TRDMT1: variants seen among roughly 807,000 people sequenced by gnomAD.
TRDMT1 encodes the protein tRNA aspartic acid methyltransferase 1.
TRDMT1 carries 49 observed loss-of-function variants against 51.2 expected under a neutral mutation model. The observed-to-expected ratio is 0.96, with a 90% confidence interval of 0.76 to 1.21. TRDMT1 has a LOEUF of 1.21. Among genes scored for constraint, TRDMT1 ranks in the 50% most tolerant of loss-of-function variants. The pLI is 0.00. For synonymous variants in TRDMT1, 187 were observed against 164.6 expected (o/e 1.14, Z -1.04); for missense variants, 534 against 462.3 (o/e 1.16, Z -1.42).
chr10:17,163,814 C>A (rs1353022283), intron 3 of TRDMT1, among the ~76,000 whole-genome samples: 1 of 151,950 alleles, frequency 6.6e-6, no homozygotes, highest in Non-Finnish European at 1.5e-5. Context: ...AAGACTAAAC[C>A]AGGAAGAAGT....
intron 1 of TRDMT1, among the ~76,000 whole-genome samples, chr10:17,187,347 T>G (rs984845277): frequency 6.6e-6 from 1 of 152,202 alleles, no homozygotes; most frequent in African/African-American, 2.4e-5. Flanking sequence ...CCTAGTAAAT[T>G]ATATGGGTTA....
chr10:17,176,938 T>G (rs539361238), intron 1 of TRDMT1, among the ~76,000 whole-genome samples: 34 of 152,210 alleles, frequency 2.2e-4, no homozygotes, highest in Non-Finnish European at 4.1e-4. Flanking sequence ...CTATGTGAGC[T>G]CCATCACTTG....
At position 17,174,621 on chromosome 10, in the gene TRDMT1, A is replaced by G. The variant is rs754579656; in HGVS notation, c.104T>C (p.Val35Ala). 12 of 1,613,968 alleles carry G rather than the reference A, an allele frequency of 7.4e-6. No homozygotes were observed. The highest frequency in any genetic ancestry group is 1.0e-5 in the Non-Finnish European group (12 of 1,179,980). Residue 35 changes from valine to alanine, a missense_variant, in exon 2 of 11, where the codon GTC (valine) becomes GCC (alanine). Val to Ala is a moderately conservative substitution (Grantham distance 64). Transcript: ENST00000377799. ...IPAQVVAAID[V>A]NTVANEVYKY... Reference sequence around the variant, plus strand: ...GTATACTTCATTAGCGACAGTGTTGACATCAATGGCAGCCACCACTTGTGC... The same window carrying G: ...GTATACTTCATTAGCGACAGTGTTGGCATCAATGGCAGCCACCACTTGTGC...
At chr10:17,195,197 G>A (rs1364292472) in intron 1 of TRDMT1, among the ~76,000 whole-genome samples, 1 of 152,078 alleles carries the variant, frequency 6.6e-6, no homozygotes, top group African/African-American at 2.4e-5. Context: ...AGTCACAATA[G>A]CAAAGACGTG....
chr10:17,144,779 G>A lies in TRDMT1; in HGVS notation c.*4261C>T. 1.0e-6 allele frequency: 1 copy of A among 985,268 alleles called. No homozygotes were observed. Among genetic ancestry groups the A allele is most frequent in the Non-Finnish European group, 1.2e-6 (1 of 829,886 alleles). The allele number at this position is 985,268 out of a possible 1,614,324, so 61.0% of individuals were successfully genotyped here. ...CCTAGACAGCCTAAAGAGAGAAACG[G>A]AAGCTAGAAACAACAACAACAAAAA... On this transcript the variant is annotated 3_prime_UTR_variant, in exon 11 of 11. Coordinates refer to ENST00000377799, the MANE Select transcript of TRDMT1 (RefSeq NM_004412.7).
chr10:17,175,344 G>A (rs1487289391), intron 1 of TRDMT1, among the ~76,000 whole-genome samples: 1 of 152,162 alleles, frequency 6.6e-6, no homozygotes, highest in Non-Finnish European at 1.5e-5. Flanking sequence ...TCTTGCTGGT[G>A]AAGAAAACCA....
At chr10:17,181,457 A>T (rs1435922500) in intron 1 of TRDMT1, among the ~76,000 whole-genome samples, 1 of 152,208 alleles carries the variant, frequency 6.6e-6, no homozygotes, top group East Asian at 1.9e-4. Flanking sequence ...CATTGCAGTA[A>T]TTGGCACAGA....
Position 17,145,415 on chromosome 10 carries a change from G to A in TRDMT1, c.*3625C>T. 1 of 985,338 alleles carries A rather than the reference G, an allele frequency of 1.0e-6. No homozygotes were observed. Among genetic ancestry groups the A allele is most frequent in the Non-Finnish European group, 1.2e-6 (1 of 829,888 alleles). 61.0% of individuals were successfully genotyped at this position (985,338 alleles called of 1,614,324 possible). ...TAGCACATTTGAATGGTAGATGGAAGAGATTAACTAGTAGACAGAGGTCCA... is the reference window on the plus strand; with the variant it reads ...TAGCACATTTGAATGGTAGATGGAAAAGATTAACTAGTAGACAGAGGTCCA... On this transcript the variant is annotated 3_prime_UTR_variant, in exon 11 of 11. Transcript: ENST00000377799.
chr10:17,160,481 GT>G, intron 5 of TRDMT1, 107 bp from the exon 6 acceptor site: 30 of 750,632 alleles, frequency 4.0e-5, no homozygotes, highest in Non-Finnish European at 4.5e-5. Flanking sequence ...TGTTTTTTTG[GT>G]TTTTTTTGAG....
chr10:17,189,694 A>T (rs1844431983), intron 1 of TRDMT1, among the ~76,000 whole-genome samples: 3 of 152,190 alleles, frequency 2.0e-5, no homozygotes, highest in Admixed American at 2.0e-4. Context: ...AAAGTTTAGC[A>T]TAGTTTTAAA....
intron 1 of TRDMT1, among the ~76,000 whole-genome samples, chr10:17,196,290 G>C (rs1422577589): frequency 6.6e-6 from 1 of 152,218 alleles, no homozygotes; most frequent in Non-Finnish European, 1.5e-5. Flanking sequence ...GAAGCTATTT[G>C]GCAGACAGGC....
intron 1 of TRDMT1, among the ~76,000 whole-genome samples, chr10:17,182,682 A>G (rs1397007586): frequency 6.6e-6 from 1 of 152,208 alleles, no homozygotes; most frequent in African/African-American, 2.4e-5. Flanking sequence ...TATGGATACT[A>G]AATACAACAA....
intron 2 of TRDMT1, chr10:17,171,862 G>T (rs61841794): frequency 0.14 from 21,477 of 155,960 alleles, 1,576 homozygotes; most frequent in Admixed American, 0.17. Context: ...TTCCAGAAGG[G>T]CTCATGGATG....
chr10:17,158,626 ATAAT>A (rs1013895954), intron 7 of TRDMT1, among the ~76,000 whole-genome samples: 3 of 152,154 alleles, frequency 2.0e-5, no homozygotes, highest in African/African-American at 7.2e-5. Flanking sequence ...AACTGCTCAC[ATAAT>A]TAGAGATTCT....
chr10:17,192,378 C>A (rs947689046), intron 1 of TRDMT1, among the ~76,000 whole-genome samples: 4 of 152,266 alleles, frequency 2.6e-5, no homozygotes, highest in African/African-American at 4.8e-5. Context: ...AATGACAATA[C>A]CTGCCTAATA....
rs1326110942 is a variant in TRDMT1, at chr10:17,143,772, CAG to C, written c.*5266_*5267del. Reference sequence around the variant, plus strand: ...TTAACAGAAGCTGACCAATGGAATGCAGAGTGAGAAGGAAGGTGAAGATGATC... The same window carrying C: ...TTAACAGAAGCTGACCAATGGAATGCAGTGAGAAGGAAGGTGAAGATGATC... On this transcript the variant is annotated 3_prime_UTR_variant, in exon 11 of 11. Coordinates refer to ENST00000377799, the MANE Select transcript of TRDMT1 (RefSeq NM_004412.7). The C allele has an allele frequency of 3.0e-6, 3 of 985,248 alleles. No individual in the cohort carries two copies. The highest frequency in any genetic ancestry group is 5.2e-4 in the Middle Eastern group (1 of 1,936). The allele number at this position is 985,248 out of a possible 1,614,324, so 61.0% of individuals were successfully genotyped here.
Position 17,139,313 on chromosome 10 carries a change from G to A in TRDMT1, c.*9727C>T. 3.2e-6 allele frequency: 2 copies of A among 620,032 alleles called. No homozygotes were observed. Among genetic ancestry groups the A allele is most frequent in the Non-Finnish European group, 4.0e-6 (2 of 495,882 alleles). 38.4% of individuals were successfully genotyped at this position (620,032 alleles called of 1,614,324 possible). A position where few individuals can be genotyped will look rare whatever the true frequency, so the allele number is the denominator to read the frequency against. On this transcript the variant is annotated 3_prime_UTR_variant, in exon 11 of 11. Coordinates refer to ENST00000377799, the MANE Select transcript of TRDMT1 (RefSeq NM_004412.7). ...ATACGATAATCAAAGGAAAATGTCT[G>A]ATTGCACTCAGACTTCAGCATGAAT...
At chr10:17,197,629 A>C (rs952560816) in intron 1 of TRDMT1, among the ~76,000 whole-genome samples, 6 of 152,254 alleles carry the variant, frequency 3.9e-5, no homozygotes, top group African/African-American at 1.4e-4. Context: ...AAGATCCAGA[A>C]TATATAAAGC....
At chr10:17,170,089 A>G (rs544071946) in intron 2 of TRDMT1, among the ~76,000 whole-genome samples, 53 of 152,364 alleles carry the variant, frequency 3.5e-4, no homozygotes, top group African/African-American at 1.2e-3. Context: ...AATCTCTCAT[A>G]GCAATTATTC....
Sources: gnomAD v4.1 joint callset for allele counts (sites outside exome capture counted in the v4.1 genomes callset) on GRCh38, gnomAD v4.1.1 for gene constraint, MANE v1.5 for transcripts, NCBI Gene and HGNC (gene_info 2026-07-23, HGNC 2026-07-21) for gene names.